Variants in HS6ST3 observed in about 807,000 individuals in gnomAD.
The protein encoded by HS6ST3 is heparan-sulfate 6-O-sulfotransferase 3.
HS6ST3 carries 12 observed loss-of-function variants against 36.7 expected under a neutral mutation model. The ratio of observed to expected loss-of-function variants is 0.33; its 90% CI spans 0.21 to 0.53. HS6ST3 has a LOEUF of 0.53. Ranked by LOEUF, HS6ST3 falls within the 20% of genes least tolerant of loss-of-function variation. HS6ST3 has a pLI of 0.95. For synonymous variants in HS6ST3, 240 were observed against 257.5 expected, an observed-to-expected ratio of 0.93 and a Z score of 0.65; for missense variants, 584 against 640.9, an observed-to-expected ratio of 0.91 and a Z score of 0.96.
At chr13:96,404,621 T>C (rs1240367848) in intron 1 of HS6ST3, among the ~76,000 whole-genome samples, 1 of 152,004 alleles carries the variant, frequency 6.6e-6, no homozygotes, top group East Asian at 1.9e-4. Flanking sequence ...AGTCTGGGAG[T>C]TGTAGGGCAC....
At chr13:96,600,351 CACACACACAT>C (rs1404531159) in intron 1 of HS6ST3, among the ~76,000 whole-genome samples, 1 of 151,580 alleles carries the variant, frequency 6.6e-6, no homozygotes, top group Non-Finnish European at 1.5e-5. Context: ...CACACACACA[CACACACACAT>C]ATATATATAT....
At chr13:96,685,092 C>A (rs1373114281) in intron 1 of HS6ST3, among the ~76,000 whole-genome samples, 1 of 152,034 alleles carries the variant, frequency 6.6e-6, no homozygotes, top group Non-Finnish European at 1.5e-5. Context: ...TTTGGCAGGG[C>A]CTGGTTCTCT....
intron 1 of HS6ST3, among the ~76,000 whole-genome samples, chr13:96,345,431 G>T (rs533038320): frequency 6.6e-6 from 1 of 152,158 alleles, no homozygotes; most frequent in African/African-American, 2.4e-5. Flanking sequence ...TTATTTATTA[G>T]AACTGTATGA....
At chr13:96,208,062 C>T (rs9302096) in intron 1 of HS6ST3, among the ~76,000 whole-genome samples, 75,529 of 151,960 alleles carry the variant, frequency 0.5, 18,938 homozygotes, top group Admixed American at 0.58. Flanking sequence ...CAAAATCATT[C>T]CTACAGTTTC....
rs1314556635 is a variant in HS6ST3, at chr13:96,835,837, A to T, written c.*2639A>T. ...TCCACTGCCTTCTGCTGAAGGCATG[A>T]TGTATGCGGCTCCACTTGAGACCAG... On this transcript the variant is annotated 3_prime_UTR_variant, in exon 2 of 2. Coordinates refer to ENST00000376705, the MANE Select transcript of HS6ST3 (RefSeq NM_153456.4). The T allele has an allele frequency of 6.6e-6, 1 of 152,228 alleles. No individual in the cohort carries two copies. Among genetic ancestry groups the T allele is most frequent in the Non-Finnish European group, 1.5e-5 (1 of 68,064 alleles). 9.4% of individuals were successfully genotyped at this position (152,228 alleles called of 1,614,324 possible).
chr13:96,769,091 C>T (rs1924590), intron 1 of HS6ST3, among the ~76,000 whole-genome samples: 109,269 of 151,890 alleles, frequency 0.72, 40,659 homozygotes, highest in African/African-American at 0.93. Flanking sequence ...CCTAAAACAA[C>T]GCACATGTGC....
chr13:96,319,009 G>A (rs1306350158), intron 1 of HS6ST3, among the ~76,000 whole-genome samples: 1 of 152,112 alleles, frequency 6.6e-6, no homozygotes, highest in Admixed American at 6.6e-5. Context: ...CAACTCAATG[G>A]TTTTTAGTCT....
intron 1 of HS6ST3, among the ~76,000 whole-genome samples, chr13:96,600,416 T>C (rs1053117751): frequency 6.6e-6 from 1 of 152,052 alleles, no homozygotes; most frequent in Non-Finnish European, 1.5e-5. Context: ...TTTATTATTA[T>C]ATAATGACCT....
At chr13:96,298,309 G>T (rs1302331562) in intron 1 of HS6ST3, among the ~76,000 whole-genome samples, 1 of 152,160 alleles carries the variant, frequency 6.6e-6, no homozygotes, top group East Asian at 1.9e-4. Flanking sequence ...GATAAGCATG[G>T]TTTGGCGTGT....
intron 1 of HS6ST3, among the ~76,000 whole-genome samples, chr13:96,331,839 T>C (rs1277735156): frequency 6.6e-6 from 1 of 152,144 alleles, no homozygotes; most frequent in African/African-American, 2.4e-5. Flanking sequence ...CGAGACTCCG[T>C]GGGCGCAGGA....
chr13:96,824,972 C>G (rs1432535946), intron 1 of HS6ST3, among the ~76,000 whole-genome samples: 2 of 152,168 alleles, frequency 1.3e-5, no homozygotes, highest in African/African-American at 4.8e-5. Flanking sequence ...ATAAGTCAGA[C>G]TGGTCGCTAG....
chr13:96,374,088 A>G (rs1819294632), intron 1 of HS6ST3, among the ~76,000 whole-genome samples: 1 of 152,204 alleles, frequency 6.6e-6, no homozygotes, highest in Non-Finnish European at 1.5e-5. Flanking sequence ...CTGTCTTTCC[A>G]GAAAGAGAGT....
intron 1 of HS6ST3, among the ~76,000 whole-genome samples, chr13:96,288,107 A>G (rs1211759098): frequency 6.6e-6 from 1 of 152,156 alleles, no homozygotes; most frequent in African/African-American, 2.4e-5. Flanking sequence ...AGAAACTTAG[A>G]AGGTGAGGCC....
At chr13:96,511,737 A>G (rs1428775361) in intron 1 of HS6ST3, among the ~76,000 whole-genome samples, 1 of 151,904 alleles carries the variant, frequency 6.6e-6, no homozygotes, top group Non-Finnish European at 1.5e-5. Flanking sequence ...ATTTAATCAA[A>G]TCCATCAGTG....
intron 1 of HS6ST3, among the ~76,000 whole-genome samples, chr13:96,382,274 T>C (rs887764990): frequency 6.6e-6 from 1 of 152,206 alleles, no homozygotes; most frequent in East Asian, 1.9e-4. Context: ...TCAGGTCTTA[T>C]ACCATACTCT....
At chr13:96,127,225 C>T (rs976714825) in intron 1 of HS6ST3, among the ~76,000 whole-genome samples, 1 of 152,120 alleles carries the variant, frequency 6.6e-6, no homozygotes, top group Non-Finnish European at 1.5e-5. Flanking sequence ...GGATACTTGC[C>T]ATTCTTCTAT....
At chr13:96,516,406 CT>C (rs2056073043) in intron 1 of HS6ST3, among the ~76,000 whole-genome samples, 1 of 152,100 alleles carries the variant, frequency 6.6e-6, no homozygotes, top group Non-Finnish European at 1.5e-5. Context: ...GTTTACTTAA[CT>C]TATACCTCTC....
intron 1 of HS6ST3, among the ~76,000 whole-genome samples, chr13:96,514,485 A>AT (rs2056063947): frequency 6.6e-6 from 1 of 152,002 alleles, no homozygotes; most frequent in African/African-American, 2.4e-5. Flanking sequence ...GTATTTGGAG[A>AT]TGGGGCTTTT....
At chr13:96,533,421 G>A (rs3904716) in intron 1 of HS6ST3, among the ~76,000 whole-genome samples, 119,310 of 152,180 alleles carry the variant, frequency 0.78, 48,768 homozygotes, top group Non-Finnish European at 0.9. Context: ...ATTAGCTATC[G>A]GCCTGACAGC....
Sources: gnomAD v4.1 joint callset for allele counts (sites outside exome capture counted in the v4.1 genomes callset) on GRCh38, gnomAD v4.1.1 for gene constraint, MANE v1.5 for transcripts, NCBI Gene and HGNC (gene_info 2026-07-23, HGNC 2026-07-21) for gene names.